Variants in TSN observed in about 807,000 individuals in gnomAD.
TSN encodes translin.
TSN carries 5 observed loss-of-function variants against 29.4 expected under a neutral mutation model. The observed-to-expected ratio is 0.17, with a 90% CI of 0.09 to 0.36. The LOEUF is 0.36. TSN is among the 10% of genes least tolerant of loss of function. The pLI is 1.00. For missense variants in TSN, 159 were observed against 272.8 expected (o/e 0.58, Z 2.94); for synonymous variants, 106 against 102.2 (o/e 1.04, Z -0.23).
At position 121,762,981 on chromosome 2, in the gene TSN, A is replaced by T. The variant is rs12328818; in HGVS notation, c.374-24A>T. ...AGGCTTAACTTGCATTCACAGCATGACTTTATTTTCATGTGTTTTTTAGTT... is the reference window on the plus strand; with the variant it reads ...AGGCTTAACTTGCATTCACAGCATGTCTTTATTTTCATGTGTTTTTTAGTT... On this transcript the variant is annotated intron_variant, in intron 4 of 5. Transcript: ENST00000389682. The T allele has an allele frequency of 9.6e-3, 15,185 of 1,586,550 alleles. 1,136 individuals carry two copies. The African/African-American group carries it at 0.17, about 18-fold the overall frequency.
intron 2 of TSN, 138 bp downstream of exon 2, chr2:121,757,471 T>C: frequency 6.6e-7 from 1 of 1,519,968 alleles, no homozygotes; most frequent in Non-Finnish European, 8.9e-7. Context: ...ATTTGATAAT[T>C]TTGGTTGATT....
intron 1 of TSN, chr2:121,756,495 T>A (rs529922408): frequency 1.8e-4 from 76 of 411,526 alleles, no homozygotes; most frequent in Middle Eastern, 1.5e-3. Flanking sequence ...TTGATTATTT[T>A]AAAAAAATCT....
chr2:121,761,283 G>C, intron 3 of TSN, 126 bp from the exon 4 acceptor site: 1 of 665,560 alleles, frequency 1.5e-6, no homozygotes, highest in Non-Finnish European at 2.7e-6. Context: ...TTTATATATT[G>C]GGGGTTTGTG....
rs991718470 is a variant in TSN at position 121,763,042 on chromosome 2, A to G, written c.411A>G (p.Val137=). ...GGGAGAAAGGATTTCATCTGGATGTAGAAGATTATCTCTCAGGAGTTCTAA... is the reference window on the plus strand; with the variant it reads ...GGGAGAAAGGATTTCATCTGGATGTGGAAGATTATCTCTCAGGAGTTCTAA... The part of the protein sequence containing the change: ...PDREKGFHLD[V]EDYLSGVLIL... The change falls in exon 5 of 6, where the codon GTA becomes GTG. Residue 137 remains valine (V), a synonymous_variant. Coordinates refer to ENST00000389682, the MANE Select transcript of TSN (RefSeq NM_004622.3). The G allele has an allele frequency of 5.6e-6, 9 of 1,610,938 alleles. No homozygotes were observed. In the African/African-American group the frequency reaches 9.4e-5, roughly 17 times the overall value.
At chr2:121,758,035 G>A (rs2106452494) in intron 2 of TSN, among the ~76,000 whole-genome samples, 1 of 152,162 alleles carries the variant, frequency 6.6e-6, no homozygotes, top group South Asian at 2.1e-4. Context: ...GTGTGTGTAT[G>A]TGTGTATGTG....
chr2:121,760,529 C>CTT (rs143859766), intron 3 of TSN, among the ~76,000 whole-genome samples: 1 of 151,926 alleles, frequency 6.6e-6, no homozygotes, highest in African/African-American at 2.4e-5. Context: ...ATGTTGAGAC[C>CTT]TTTTTTTTGA....
At chr2:121,764,399 G>A (rs1011556605) in intron 5 of TSN, among the ~76,000 whole-genome samples, 3 of 152,000 alleles carry the variant, frequency 2.0e-5, no homozygotes, top group African/African-American at 7.3e-5. Context: ...GAGGCCAGGA[G>A]TTCCACACCA....
In TSN at chr2:121,763,069, T is replaced by A. The variant is rs368725279; in HGVS notation, c.438T>A (p.Ile146=). 12 of 1,610,102 alleles carry A rather than the reference T, an allele frequency of 7.5e-6. No homozygotes were observed. Among genetic ancestry groups the A allele is most frequent in the Non-Finnish European group, 1.0e-5 (12 of 1,178,802 alleles). ...DVEDYLSGVL[I]LASELSRLSV... is the part of the protein sequence containing the mutation. ...AAGATTATCTCTCAGGAGTTCTAAT[T>A]CTTGCCAGTGAACTGGTAAGCTCAG... is the stretch of plus-strand genomic sequence containing the variant. Residue 146 remains isoleucine (I), a synonymous_variant, in exon 5 of 6, where the codon ATT becomes ATA. Transcript: ENST00000389682.
chr2:121,756,519 A>G (rs2074750700), intron 1 of TSN: 1 of 587,604 alleles, frequency 1.7e-6, no homozygotes, highest in Non-Finnish European at 2.7e-6. Flanking sequence ...CCCTCATTGT[A>G]TGTTAAACCG....
chr2:121,759,917 A>G (rs536203249), intron 3 of TSN, among the ~76,000 whole-genome samples: 76 of 152,308 alleles, frequency 5.0e-4, no homozygotes, highest in African/African-American at 1.8e-3. Flanking sequence ...AATCCCAGAT[A>G]AGAATATGTA....
rs1399090364 is a variant in TSN at position 121,758,697 on chromosome 2, C to T, written c.161-13C>T. The T allele has an allele frequency of 5.8e-6, 9 of 1,541,286 alleles. No homozygotes were observed. In the East Asian group the frequency reaches 1.9e-4, roughly 32 times the overall value. ...TTGGTTAAGTTTTTCATTTGGTTAT[C>T]TTTTGTGACTAGTTCCAAAGAGGTG... is the stretch of plus-strand genomic sequence containing the variant. On this transcript the variant is annotated splice_polypyrimidine_tract_variant and intron_variant, in intron 2 of 5. Transcript: ENST00000389682.
In TSN at chr2:121,762,330, A is replaced by G. The variant is rs1013966481; in HGVS notation, c.374-675A>G. On this transcript the variant is annotated intron_variant, in intron 4 of 5. Coordinates refer to ENST00000389682, the MANE Select transcript of TSN (RefSeq NM_004622.3). ...TTTTTAGTAGAAACAGGGTTTCACCATGTTGGCCAGGCTGGTCTTGAACTC... is the reference window on the plus strand; with the variant it reads ...TTTTTAGTAGAAACAGGGTTTCACCGTGTTGGCCAGGCTGGTCTTGAACTC... 1.3e-4 allele frequency among the ~76,000 whole-genome samples: 20 copies of G among 152,122 alleles called. No homozygotes were observed. The East Asian group carries it at 3.9e-3, about 29-fold the overall frequency.
chr2:121,763,705 C>A (rs191550066), intron 5 of TSN, among the ~76,000 whole-genome samples: 27 of 152,252 alleles, frequency 1.8e-4, no homozygotes, highest in Admixed American at 1.2e-3. Flanking sequence ...TTTGGACACT[C>A]ATTTGTCTAT....
At chr2:121,764,336 C>T (rs760902491) in intron 5 of TSN, among the ~76,000 whole-genome samples, 6 of 152,036 alleles carry the variant, frequency 3.9e-5, no homozygotes, top group Non-Finnish European at 8.8e-5. Flanking sequence ...CGGGCACAGT[C>T]GCTTACGCTT....
At chr2:121,764,733 G>T (rs943994043) in intron 5 of TSN, among the ~76,000 whole-genome samples, 1 of 152,128 alleles carries the variant, frequency 6.6e-6, no homozygotes, top group Non-Finnish European at 1.5e-5. Context: ...GACTGGAGTT[G>T]CAGCTTAGTA....
chr2:121,762,046 G>A (rs374466214), intron 4 of TSN, among the ~76,000 whole-genome samples: 1 of 150,638 alleles, frequency 6.6e-6, no homozygotes, highest in East Asian at 2.0e-4. Flanking sequence ...AGGCTGTAGT[G>A]CAATGACGCA....
At chr2:121,760,573 G>C (rs2074810542) in intron 3 of TSN, among the ~76,000 whole-genome samples, 1 of 152,138 alleles carries the variant, frequency 6.6e-6, no homozygotes, top group Non-Finnish European at 1.5e-5. Flanking sequence ...AGGAGGCATT[G>C]CATAAATATC....
At position 121,755,702 on chromosome 2, in the gene TSN, T is replaced by A; in HGVS notation, c.-78T>A. On this transcript the variant is annotated 5_prime_UTR_variant, in exon 1 of 6. Transcript: ENST00000389682. ...CGGCGGTAGCGGCGGCCGTTGCGAT[T>A]GATTGCGCTGGTTGCCTGCGGCGTC... The A allele has an allele frequency of 6.3e-7, 1 of 1,582,532 alleles. No homozygotes were observed. Among genetic ancestry groups the A allele is most frequent in the Non-Finnish European group, 8.6e-7 (1 of 1,161,510 alleles).
In TSN at chr2:121,765,389, C is replaced by G. The variant is rs769544101; in HGVS notation, c.*22C>G. Reference sequence around the variant, plus strand: ...ATAGGAGGCTCTCCTTGCTCCTGGCCTTGCTGACCTCAGCGGTTGCCAGGA... The same window carrying G: ...ATAGGAGGCTCTCCTTGCTCCTGGCGTTGCTGACCTCAGCGGTTGCCAGGA... On this transcript the variant is annotated 3_prime_UTR_variant, in exon 6 of 6. Transcript: ENST00000389682. The G allele has an allele frequency of 3.1e-6, 5 of 1,611,184 alleles. No individual in the cohort carries two copies. The highest frequency in any genetic ancestry group is 4.2e-6 in the Non-Finnish European group (5 of 1,177,474).
Sources: allele counts gnomAD v4.1 joint callset (sites outside exome capture counted in the v4.1 genomes callset), GRCh38; gene constraint gnomAD v4.1.1; transcripts MANE v1.5; gene names NCBI Gene and HGNC (gene_info 2026-07-23, HGNC 2026-07-21).